Variants in SHANK2 observed in about 807,000 individuals in gnomAD.
SHANK2 encodes SH3 and multiple ankyrin repeat domains protein 2.
In SHANK2, 43 loss-of-function variants were observed where a neutral mutation model predicts 133.7. The ratio of observed to expected loss-of-function variants is 0.32; its 90% CI spans 0.25 to 0.41. The LOEUF is 0.41. Ranked by LOEUF, SHANK2 falls within the 10% of genes least tolerant of loss-of-function variation. The pLI is 1.00. For missense variants in SHANK2, 1,994 were observed against 2,235.8 expected, an observed-to-expected ratio of 0.89 and a Z score of 2.18; for synonymous variants, 1,017 against 952.8, an observed-to-expected ratio of 1.07 and a Z score of -1.24.
intron 17 of SHANK2, among the ~76,000 whole-genome samples, chr11:70,559,835 G>A (rs993820813): frequency 3.3e-5 from 5 of 151,494 alleles, no homozygotes; most frequent in Non-Finnish European, 4.4e-5. Context: ...TCCTCTTCCT[G>A]CCCCAGACCA....
intron 2 of SHANK2, among the ~76,000 whole-genome samples, chr11:71,149,766 GTAGA>G (rs148945566): frequency 0.32 from 41,501 of 129,492 alleles, 8,634 homozygotes; most frequent in African/African-American, 0.59. Flanking sequence ...AGGGAAGGAG[GTAGA>G]TGGATGGATG....
At chr11:71,172,769 C>T (rs1236510308) in intron 2 of SHANK2, among the ~76,000 whole-genome samples, 2 of 152,148 alleles carry the variant, frequency 1.3e-5, no homozygotes, top group African/African-American at 4.8e-5. Flanking sequence ...AGACTGCCAC[C>T]CAGGAAGCCT....
chr11:71,155,018 G>A (rs1555108803), intron 2 of SHANK2, among the ~76,000 whole-genome samples: 1 of 137,220 alleles, frequency 7.3e-6, no homozygotes, highest in Non-Finnish European at 1.6e-5. Context: ...CCAGAGGAGG[G>A]ATGGACCTAC....
chr11:70,751,295 A>G (rs1565291223), intron 14 of SHANK2, among the ~76,000 whole-genome samples: 1 of 152,230 alleles, frequency 6.6e-6, no homozygotes, highest in Non-Finnish European at 1.5e-5. Context: ...GAAAAATGAC[A>G]TATTTCATAC....
At chr11:70,513,034 C>G (rs1329180811) in intron 17 of SHANK2, among the ~76,000 whole-genome samples, 1 of 152,180 alleles carries the variant, frequency 6.6e-6, no homozygotes, top group Non-Finnish European at 1.5e-5. Flanking sequence ...ATCCCCACCC[C>G]CAAACCAACA....
In SHANK2 at chr11:71,186,009, G is replaced by C. The variant is rs1164081060; in HGVS notation, c.-12-38671C>G. ...CCCCCAAAGGGTGGTACATTTCACT[G>C]GCTGCTGGGTCTAGCATTCTCTGCC... On this transcript the variant is annotated intron_variant, in intron 2 of 25. Transcript: ENST00000601538. Among the ~76,000 whole-genome samples the C allele has an allele frequency of 2.6e-5, 4 of 152,204 alleles. No homozygotes were observed. In the East Asian group the frequency reaches 7.7e-4, roughly 29 times the overall value.
At chr11:70,506,785 GC>G (rs1327685211) in intron 17 of SHANK2, among the ~76,000 whole-genome samples, 1 of 152,126 alleles carries the variant, frequency 6.6e-6, no homozygotes, top group Non-Finnish European at 1.5e-5. Context: ...TGGGGGCCCT[GC>G]TGCTTGCTGG....
intron 17 of SHANK2, among the ~76,000 whole-genome samples, chr11:70,594,863 C>T (rs1403504667): frequency 1.3e-5 from 2 of 152,176 alleles, no homozygotes; most frequent in Non-Finnish European, 2.9e-5. Context: ...GCTCCTCCAG[C>T]CCTGCAGCCC....
intron 1 of SHANK2, among the ~76,000 whole-genome samples, chr11:71,247,042 G>A (rs1183016817): frequency 3.9e-5 from 6 of 152,094 alleles, no homozygotes; most frequent in African/African-American, 7.2e-5. Flanking sequence ...TATATTTTTC[G>A]TGCAGAGAAG....
intron 17 of SHANK2, among the ~76,000 whole-genome samples, chr11:70,637,152 TTAG>T (rs2061113776): frequency 6.6e-6 from 1 of 152,042 alleles, no homozygotes; most frequent in African/African-American, 2.4e-5. Context: ...TGTGTGTGCA[TTAG>T]TATGTGTGTG....
At chr11:70,782,764 G>A (rs2135121941) in intron 14 of SHANK2, among the ~76,000 whole-genome samples, 1 of 152,344 alleles carries the variant, frequency 6.6e-6, no homozygotes, top group East Asian at 1.9e-4. Context: ...CCCAATACAT[G>A]CACAGAAAGG....
intron 10 of SHANK2, among the ~76,000 whole-genome samples, chr11:70,943,470 G>T (rs565335474): frequency 6.6e-5 from 10 of 152,262 alleles, no homozygotes; most frequent in African/African-American, 1.9e-4. Context: ...AAACCCAGGA[G>T]GAACCAGGAG....
intron 2 of SHANK2, among the ~76,000 whole-genome samples, chr11:71,179,945 C>T (rs964771540): frequency 1.3e-5 from 2 of 152,136 alleles, no homozygotes; most frequent in African/African-American, 4.8e-5. Flanking sequence ...ACTCGATAAC[C>T]GAGGTGCCAC....
intron 1 of SHANK2, among the ~76,000 whole-genome samples, chr11:71,250,938 A>G (rs1233242531): frequency 6.6e-6 from 1 of 152,126 alleles, no homozygotes; most frequent in Non-Finnish European, 1.5e-5. Flanking sequence ...TTAACGTTCG[A>G]ACTTGAGTTT....
intron 9 of SHANK2, among the ~76,000 whole-genome samples, chr11:71,071,421 T>C (rs907896064): frequency 7.3e-4 from 111 of 152,346 alleles, no homozygotes; most frequent in Non-Finnish European, 1.1e-3. Context: ...CTATGAAAGA[T>C]GGCGGCTTAT....
chr11:70,845,865 G>A (rs559555613), intron 11 of SHANK2, among the ~76,000 whole-genome samples: 3 of 152,180 alleles, frequency 2.0e-5, no homozygotes, highest in Non-Finnish European at 2.9e-5. Flanking sequence ...GATAGAAACC[G>A]CCAGTGTTTG....
intron 14 of SHANK2, among the ~76,000 whole-genome samples, chr11:70,720,501 TGAG>T (rs1322539690): frequency 1.3e-5 from 2 of 152,106 alleles, no homozygotes; most frequent in Admixed American, 6.5e-5. Context: ...CAGGGGGCCA[TGAG>T]GAGAACCCAT....
intron 17 of SHANK2, among the ~76,000 whole-genome samples, chr11:70,624,578 C>T (rs1270361696): frequency 6.6e-6 from 1 of 150,918 alleles, no homozygotes; most frequent in Non-Finnish European, 1.5e-5. Flanking sequence ...TCCCTTAAGG[C>T]AGCAGTCCTC....
At chr11:70,757,861 A>G (rs1458002003) in intron 14 of SHANK2, among the ~76,000 whole-genome samples, 1 of 152,150 alleles carries the variant, frequency 6.6e-6, no homozygotes, top group Non-Finnish European at 1.5e-5. Context: ...TGCTACAACA[A>G]ATGACCCCAG....
Sources: allele counts gnomAD v4.1 joint callset (sites outside exome capture counted in the v4.1 genomes callset), GRCh38; gene constraint gnomAD v4.1.1; transcripts MANE v1.5; gene names NCBI Gene and HGNC (gene_info 2026-07-23, HGNC 2026-07-21).